The following CNTNAP2 variants were observed in gnomAD, a reference collection of about 807,000 sequenced individuals.
CNTNAP2 encodes contactin associated protein 2.
In CNTNAP2, 98 loss-of-function variants were observed where a neutral mutation model predicts 155.2. The ratio of observed to expected loss-of-function variants is 0.63; its 90% CI spans 0.54 to 0.75. CNTNAP2 has a LOEUF of 0.75. CNTNAP2 is among the 30% of genes least tolerant of loss of function. The probability of loss-of-function intolerance (pLI) is 0.00; values close to 1 mark genes in which losing one functional copy is unlikely to be tolerated. For missense variants in CNTNAP2, 1,727 were observed against 1,688.1 expected (o/e 1.02, Z -0.40); for synonymous variants, 651 against 631.2 (o/e 1.03, Z -0.47).
At chr7:146,533,150 C>T (rs1224117266) in intron 1 of CNTNAP2, among the ~76,000 whole-genome samples, 2 of 147,574 alleles carry the variant, frequency 1.4e-5, no homozygotes, top group Admixed American at 6.7e-5. Context: ...AATCATACAG[C>T]CCTCTGAATC....
intron 1 of CNTNAP2, among the ~76,000 whole-genome samples, chr7:146,164,764 AT>A (rs1268712901): frequency 5.9e-5 from 9 of 152,180 alleles, no homozygotes; most frequent in Non-Finnish European, 1.0e-4. Flanking sequence ...GTTTTACAAA[AT>A]GCGTCATACA....
chr7:148,037,501 A>G (rs1429661839), intron 15 of CNTNAP2, among the ~76,000 whole-genome samples: 4 of 152,204 alleles, frequency 2.6e-5, no homozygotes, highest in Non-Finnish European at 4.4e-5. Flanking sequence ...TGATCATTCA[A>G]TTCACTGAAC....
At chr7:148,066,589 C>G (rs2116521623) in intron 15 of CNTNAP2, among the ~76,000 whole-genome samples, 1 of 152,198 alleles carries the variant, frequency 6.6e-6, no homozygotes, top group African/African-American at 2.4e-5. Flanking sequence ...GCTCCACCTC[C>G]TGGATTCACG....
chr7:146,683,225 G>T (rs559888726), intron 1 of CNTNAP2, among the ~76,000 whole-genome samples: 2 of 152,106 alleles, frequency 1.3e-5, no homozygotes, highest in Admixed American at 1.3e-4. Flanking sequence ...TACAGATGGG[G>T]TTACACCATG....
intron 1 of CNTNAP2, among the ~76,000 whole-genome samples, chr7:146,263,192 G>A (rs756740382): frequency 5.0e-4 from 75 of 151,266 alleles, no homozygotes; most frequent in Middle Eastern, 3.4e-3. Flanking sequence ...GGTGACGTGC[G>A]CCTGTGATCC....
intron 2 of CNTNAP2, among the ~76,000 whole-genome samples, chr7:146,789,938 C>A (rs138576838): frequency 6.6e-6 from 1 of 151,092 alleles, no homozygotes; most frequent in Non-Finnish European, 1.5e-5. Flanking sequence ...GAGATGAGAA[C>A]AATCTGGCAT....
chr7:146,552,055 A>C (rs536356964), intron 1 of CNTNAP2, among the ~76,000 whole-genome samples: 2 of 152,252 alleles, frequency 1.3e-5, no homozygotes, highest in Admixed American at 1.3e-4. Flanking sequence ...AGCTGGGCTC[A>C]TGAAGGGTCC....
chr7:147,785,219 C>T (rs1797722008), intron 13 of CNTNAP2, among the ~76,000 whole-genome samples: 1 of 152,084 alleles, frequency 6.6e-6, no homozygotes, highest in Admixed American at 6.6e-5. Flanking sequence ...TAGAATGAAA[C>T]AGGAAGAGTG....
At chr7:148,100,578 G>A (rs993639402) in intron 15 of CNTNAP2, among the ~76,000 whole-genome samples, 3 of 152,202 alleles carry the variant, frequency 2.0e-5, no homozygotes, top group African/African-American at 7.2e-5. Context: ...AAATGGAGCT[G>A]TGATATACAT....
At chr7:147,580,790 A>G (rs1477463544) in intron 12 of CNTNAP2, among the ~76,000 whole-genome samples, 1 of 151,960 alleles carries the variant, frequency 6.6e-6, no homozygotes. Flanking sequence ...TAATTTTTGT[A>G]TTTTTAGCAG....
intron 3 of CNTNAP2, among the ~76,000 whole-genome samples, chr7:146,918,505 A>T (rs1169070238): frequency 1.3e-5 from 2 of 151,924 alleles, no homozygotes. Flanking sequence ...TAAAGATAGG[A>T]CTCCAGTCCC....
intron 1 of CNTNAP2, among the ~76,000 whole-genome samples, chr7:146,123,991 C>T (rs966961842): frequency 2.0e-5 from 3 of 152,090 alleles, no homozygotes; most frequent in African/African-American, 7.2e-5. Context: ...AGCAAACTAA[C>T]ACAGGAACAC....
chr7:146,658,476 A>G (rs1344510589), intron 1 of CNTNAP2, among the ~76,000 whole-genome samples: 1 of 152,032 alleles, frequency 6.6e-6, no homozygotes, highest in Non-Finnish European at 1.5e-5. Context: ...GTTTGTTATT[A>G]TACCATATCT....
At chr7:146,486,473 G>A (rs1797061069) in intron 1 of CNTNAP2, among the ~76,000 whole-genome samples, 1 of 152,136 alleles carries the variant, frequency 6.6e-6, no homozygotes, top group African/African-American at 2.4e-5. Flanking sequence ...CTGAGACACA[G>A]GTGCCTTCCA....
intron 13 of CNTNAP2, among the ~76,000 whole-genome samples, chr7:147,822,318 A>G (rs762399760): frequency 6.6e-6 from 1 of 152,184 alleles, no homozygotes; most frequent in Non-Finnish European, 1.5e-5. Flanking sequence ...GTGTATATCC[A>G]GGCTGGCATA....
At chr7:146,765,377 C>A (rs1242945769) in intron 1 of CNTNAP2, among the ~76,000 whole-genome samples, 1 of 152,148 alleles carries the variant, frequency 6.6e-6, no homozygotes, top group Non-Finnish European at 1.5e-5. Flanking sequence ...TTTTGCAATG[C>A]AGATTTTAAA....
chr7:146,910,869 A>G (rs1796258582), intron 3 of CNTNAP2, among the ~76,000 whole-genome samples: 1 of 150,718 alleles, frequency 6.6e-6, no homozygotes, highest in Non-Finnish European at 1.5e-5. Flanking sequence ...TGAACAGGCA[A>G]CCTACAAAAT....
chr7:147,978,085 C>T, intron 15 of CNTNAP2, 96 bp downstream of exon 15: 1 of 1,478,810 alleles, frequency 6.8e-7, no homozygotes, highest in South Asian at 1.2e-5. Context: ...GACTTGCTCT[C>T]CTGTAGCTCC....
At chr7:146,185,174 A>G (rs1036186764) in intron 1 of CNTNAP2, among the ~76,000 whole-genome samples, 2 of 152,162 alleles carry the variant, frequency 1.3e-5, no homozygotes, top group Non-Finnish European at 2.9e-5. Context: ...CATTTGTATT[A>G]AAATATGTAG....
Sources: gnomAD v4.1 joint callset for allele counts (sites outside exome capture counted in the v4.1 genomes callset) on GRCh38, gnomAD v4.1.1 for gene constraint, MANE v1.5 for transcripts, NCBI Gene and HGNC (gene_info 2026-07-23, HGNC 2026-07-21) for gene names.